The following FOXP1 variants were observed in gnomAD, a reference collection of about 807,000 sequenced individuals.
FOXP1 encodes the protein forkhead box P1, also known as forkhead box protein P1.
FOXP1 carries 15 observed loss-of-function variants against 98.2 expected under a neutral mutation model. The ratio of observed to expected loss-of-function variants is 0.15; its 90% CI spans 0.10 to 0.24. The LOEUF is 0.24. Ranked by LOEUF, FOXP1 falls within the 10% of genes least tolerant of loss-of-function variation. The pLI is 1.00. For missense variants in FOXP1, 633 were observed against 848.5 expected, an observed-to-expected ratio of 0.75 and a Z score of 3.15; for synonymous variants, 371 against 314.5, an observed-to-expected ratio of 1.18 and a Z score of -1.90.
At chr3:71,158,115 G>GGGAGGGAA in intron 6 of FOXP1, among the ~76,000 whole-genome samples, 1 of 49,218 alleles carries the variant, frequency 2.0e-5, no homozygotes, top group Non-Finnish European at 5.3e-5. Context: ...AAGGGAGGGA[G>GGGAGGGAA]GGAGGGAGGG....
chr3:71,090,744 G>A (rs1479883576), intron 7 of FOXP1, among the ~76,000 whole-genome samples: 2 of 152,134 alleles, frequency 1.3e-5, no homozygotes, highest in Non-Finnish European at 2.9e-5. Context: ...CATTACAGGA[G>A]AGCTAGGGTC....
At chr3:71,149,070 T>A (rs1429656641) in intron 6 of FOXP1, among the ~76,000 whole-genome samples, 4 of 152,196 alleles carry the variant, frequency 2.6e-5, no homozygotes, top group South Asian at 4.1e-4. Flanking sequence ...CTTCTGCAAT[T>A]ATTAGGCCAG....
At chr3:71,025,241 G>A (rs982544654) in intron 11 of FOXP1, among the ~76,000 whole-genome samples, 1 of 152,118 alleles carries the variant, frequency 6.6e-6, no homozygotes, top group African/African-American at 2.4e-5. Flanking sequence ...GGGGAAAAGG[G>A]CATACAACCT....
chr3:71,328,513 A>C (rs1576994003), intron 4 of FOXP1, among the ~76,000 whole-genome samples: 1 of 152,346 alleles, frequency 6.6e-6, no homozygotes, highest in East Asian at 1.9e-4. Flanking sequence ...TTCATGCCTC[A>C]GAGGAACACA....
chr3:71,410,444 A>G (rs1448921940), intron 3 of FOXP1, among the ~76,000 whole-genome samples: 1 of 152,180 alleles, frequency 6.6e-6, no homozygotes, highest in African/African-American at 2.4e-5. Context: ...AAATTATGGT[A>G]TGCTTCCAGT....
intron 3 of FOXP1, among the ~76,000 whole-genome samples, chr3:71,408,257 A>C (rs2082489356): frequency 6.6e-6 from 1 of 152,216 alleles, no homozygotes; most frequent in Non-Finnish European, 1.5e-5. Context: ...TTCAAACTGA[A>C]ATCAGTTTCA....
chr3:70,992,326 C>T (rs1479916129), intron 13 of FOXP1, among the ~76,000 whole-genome samples: 1 of 152,066 alleles, frequency 6.6e-6, no homozygotes, highest in African/African-American at 2.4e-5. Context: ...CCGATGTGGC[C>T]CAAGCATATC....
rs530864825 is a variant in FOXP1, at chr3:71,084,674, C to T, written c.282+27862G>A. On this transcript the variant is annotated intron_variant, in intron 7 of 20. Transcript: ENST00000649528. The stretch of plus-strand genomic sequence containing the variant: ...AATAGATTTTTCATGAATAACCTGC[C>T]CTTGCATAGTTAACACTATTTTTCA... 8.5e-5 allele frequency among the ~76,000 whole-genome samples: 13 copies of T among 152,174 alleles called. No individual in the cohort carries two copies. In the East Asian group the frequency reaches 2.5e-3, roughly 29 times the overall value.
intron 3 of FOXP1, among the ~76,000 whole-genome samples, chr3:71,389,068 CA>C (rs551993364): frequency 7.9e-5 from 12 of 151,310 alleles, no homozygotes; most frequent in East Asian, 5.8e-4. Flanking sequence ...TTTAAATAAC[CA>C]AAAAAAATTT....
intron 11 of FOXP1, among the ~76,000 whole-genome samples, chr3:71,039,564 T>C (rs1370716974): frequency 6.6e-6 from 1 of 152,122 alleles, no homozygotes; most frequent in East Asian, 1.9e-4. Flanking sequence ...GCCGATGAGA[T>C]TGCCACAAAT....
At chr3:70,968,145 G>T (rs1453019661) in intron 19 of FOXP1, among the ~76,000 whole-genome samples, 1 of 152,080 alleles carries the variant, frequency 6.6e-6, no homozygotes, top group East Asian at 1.9e-4. Context: ...GCATACAAAG[G>T]CAAGCACTTA....
At chr3:70,966,170 C>A in intron 19 of FOXP1, 114 bp from the exon 20 acceptor site, 77 of 878,360 alleles carry the variant, frequency 8.8e-5, no homozygotes, top group East Asian at 1.7e-4. Context: ...GCATGGCTGG[C>A]AAATACAAGT....
At chr3:71,489,669 G>A (rs1197342606) in intron 3 of FOXP1, among the ~76,000 whole-genome samples, 6 of 152,194 alleles carry the variant, frequency 3.9e-5, no homozygotes, top group South Asian at 4.1e-4. Flanking sequence ...CTCCTTCCTG[G>A]TGAACGGTGG....
intron 5 of FOXP1, among the ~76,000 whole-genome samples, chr3:71,250,913 A>C (rs2068134326): frequency 2.0e-5 from 3 of 152,222 alleles, no homozygotes; most frequent in Admixed American, 2.0e-4. Flanking sequence ...CTTGGGTGAC[A>C]GAGTGAGACT....
rs942328719 is a variant in FOXP1 at position 71,279,129 on chromosome 3, G to A, written c.-12+20691C>T. ...AATTGCTTGAAACTGGGAGGATCAC[G>A]CCGTTGCACTCCAGCCTGGGTGACA... On this transcript the variant is annotated intron_variant, in intron 5 of 20. Coordinates refer to ENST00000649528, the MANE Select transcript of FOXP1 (RefSeq NM_001349338.3). Among the ~76,000 whole-genome samples the A allele has an allele frequency of 1.0e-4, 14 of 135,366 alleles. No homozygotes were observed. In the East Asian group the frequency reaches 1.4e-3, roughly 13 times the overall value. 88.8% of individuals were successfully genotyped at this position (135,366 alleles called of 152,430 possible). A position where few individuals can be genotyped will look rare whatever the true frequency, so the allele number is the denominator to read the frequency against.
intron 3 of FOXP1, among the ~76,000 whole-genome samples, chr3:71,480,725 T>G (rs1270391962): frequency 6.6e-6 from 1 of 152,286 alleles, no homozygotes; most frequent in African/African-American, 2.4e-5. Flanking sequence ...AAATCTTTCA[T>G]AGCTTGTCAA....
At chr3:71,294,302 C>T (rs1042707932) in intron 5 of FOXP1, among the ~76,000 whole-genome samples, 1 of 152,172 alleles carries the variant, frequency 6.6e-6, no homozygotes, top group Non-Finnish European at 1.5e-5. Flanking sequence ...AAAAAATTAA[C>T]ATGCCTGATA....
intron 12 of FOXP1, among the ~76,000 whole-genome samples, chr3:71,014,584 C>T (rs1037642171): frequency 1.1e-4 from 16 of 152,140 alleles, no homozygotes; most frequent in African/African-American, 2.9e-4. Flanking sequence ...GAAAGTGTGG[C>T]GATTCCTCGA....
At chr3:71,200,408 C>G (rs1043027322) in intron 5 of FOXP1, among the ~76,000 whole-genome samples, 4 of 152,194 alleles carry the variant, frequency 2.6e-5, no homozygotes, top group African/African-American at 9.6e-5. Context: ...AGTTTGTCCA[C>G]TACATGTCAC....
Sources: allele counts gnomAD v4.1 joint callset (sites outside exome capture counted in the v4.1 genomes callset), GRCh38; gene constraint gnomAD v4.1.1; transcripts MANE v1.5; gene names NCBI Gene and HGNC (gene_info 2026-07-23, HGNC 2026-07-21).